The following ZMAT3 variants were observed in gnomAD, a reference collection of about 807,000 sequenced individuals.
ZMAT3 encodes the protein zinc finger matrin-type protein 3.
In ZMAT3, 17 loss-of-function variants were observed where a neutral mutation model predicts 32.3. The observed-to-expected ratio is 0.53, with a 90% CI of 0.36 to 0.79. ZMAT3 has a LOEUF of 0.79. Ranked by LOEUF, ZMAT3 falls within the 30% of genes least tolerant of loss-of-function variation. The pLI is 0.00. For synonymous variants in ZMAT3, 120 were observed against 133.1 expected (o/e 0.90, Z 0.68); for missense variants, 329 against 359.7 (o/e 0.91, Z 0.69).
intron 2 of ZMAT3, among the ~76,000 whole-genome samples, chr3:179,055,145 T>C (rs1228612477): frequency 1.3e-5 from 2 of 151,982 alleles, no homozygotes; most frequent in South Asian, 4.1e-4. Flanking sequence ...ATGGGAAACA[T>C]TCCCCCCAAG....
intron 2 of ZMAT3, among the ~76,000 whole-genome samples, chr3:179,063,029 C>T (rs764288502): frequency 4.6e-5 from 7 of 152,174 alleles, no homozygotes; most frequent in Non-Finnish European, 1.0e-4. Flanking sequence ...ACAATGACCC[C>T]TACTTTACAG....
In ZMAT3 at chr3:179,026,379, CTTTTTTTT is replaced by C. The variant is rs1235818885; in HGVS notation, c.658+1036_658+1043del. Among the ~76,000 whole-genome samples, 3 of 65,894 alleles carry C rather than the reference CTTTTTTTT, an allele frequency of 4.6e-5. 1 individual carries two copies. The highest frequency in any genetic ancestry group is 2.0e-4 in the African/African-American group (3 of 15,178). 43.2% of individuals were successfully genotyped at this position (65,894 alleles called of 152,430 possible). ...CTTTTCTTAATCATAATGAATTGTG[CTTTTTTTT>C]TTTTTTTTTTTTTTTTTGAGACAGA... is the stretch of plus-strand genomic sequence containing the variant. On this transcript the variant is annotated intron_variant, in intron 5 of 5. Coordinates refer to ENST00000311417, the MANE Select transcript of ZMAT3 (RefSeq NM_022470.4).
intron 2 of ZMAT3, among the ~76,000 whole-genome samples, chr3:179,056,269 C>CA (rs1720837354): frequency 6.6e-6 from 1 of 151,738 alleles, no homozygotes; most frequent in Non-Finnish European, 1.5e-5. Context: ...TTGGCATCCT[C>CA]AGTTTTTTAT....
chr3:179,051,324 A>G (rs1720545172), intron 2 of ZMAT3, among the ~76,000 whole-genome samples: 1 of 152,224 alleles, frequency 6.6e-6, no homozygotes, highest in Admixed American at 6.5e-5. Flanking sequence ...ACAAATCAGT[A>G]GCTCTGCTAT....
intron 2 of ZMAT3, among the ~76,000 whole-genome samples, chr3:179,041,132 A>C (rs1201792833): frequency 6.6e-6 from 1 of 152,108 alleles, no homozygotes; most frequent in Non-Finnish European, 1.5e-5. Flanking sequence ...CAATAATAAT[A>C]GGAGACTTTA....
At chr3:179,039,063 C>T (rs917382327) in intron 2 of ZMAT3, among the ~76,000 whole-genome samples, 1 of 152,214 alleles carries the variant, frequency 6.6e-6, no homozygotes, top group Non-Finnish European at 1.5e-5. Flanking sequence ...CTGGGAAGCT[C>T]GAACTGGGCA....
At chr3:179,070,523 G>C (rs1024473295) in intron 1 of ZMAT3, among the ~76,000 whole-genome samples, 4 of 152,072 alleles carry the variant, frequency 2.6e-5, no homozygotes, top group African/African-American at 9.7e-5. Context: ...TAGTACATTT[G>C]CAAACAAAAA....
chr3:179,043,822 C>T lies in ZMAT3; in HGVS notation c.271-12823G>A, dbSNP rs192015320. 2.2e-4 allele frequency among the ~76,000 whole-genome samples: 34 copies of T among 152,240 alleles called. No homozygotes were observed. The East Asian group carries it at 5.0e-3, about 22-fold the overall frequency. ...TGGGAGAAAATTTTTGCGATCTCCC[C>T]ATCTGACAAAGGGCTAATATCCAGA... On this transcript the variant is annotated intron_variant, in intron 2 of 5. Transcript: ENST00000311417.
chr3:179,069,866 G>C (rs529984633), intron 1 of ZMAT3, among the ~76,000 whole-genome samples: 153 of 152,202 alleles, frequency 1.0e-3, no homozygotes, highest in African/African-American at 3.2e-3. Flanking sequence ...GAACATAAAA[G>C]AAAAGCAATA....
intron 2 of ZMAT3, among the ~76,000 whole-genome samples, chr3:179,066,421 G>A (rs140463566): frequency 5.3e-5 from 8 of 152,166 alleles, no homozygotes; most frequent in Admixed American, 1.3e-4. Context: ...AAATACTTCC[G>A]ACATACAATC....
At chr3:179,040,188 C>T (rs1046138063) in intron 2 of ZMAT3, among the ~76,000 whole-genome samples, 3 of 152,140 alleles carry the variant, frequency 2.0e-5, no homozygotes, top group East Asian at 3.9e-4. Flanking sequence ...ACTTCCCCAA[C>T]CTAGCAAGGC....
intron 2 of ZMAT3, among the ~76,000 whole-genome samples, chr3:179,062,292 G>T (rs1403316579): frequency 6.6e-6 from 1 of 152,142 alleles, no homozygotes; most frequent in African/African-American, 2.4e-5. Context: ...AATTCTACCT[G>T]CAGAATGCTA....
chr3:179,024,697 C>A lies in ZMAT3; in HGVS notation c.*320G>T, dbSNP rs972165769. On this transcript the variant is annotated 3_prime_UTR_variant, in exon 6 of 6. Transcript: ENST00000311417. The stretch of plus-strand genomic sequence containing the variant: ...CTTTTAAATAGTCAAAGTTCTAAGC[C>A]GTCAGGCTACTAGTTGACCAGAACT... 1 of 244,824 alleles carries A rather than the reference C, an allele frequency of 4.1e-6. No homozygotes were observed. The highest frequency in any genetic ancestry group is 8.1e-6 in the Non-Finnish European group (1 of 123,916). The allele number at this position is 244,824 out of a possible 1,614,324, so 15.2% of individuals were successfully genotyped here.
chr3:179,055,475 T>TCCCCCCCCCCCC (rs1307862100), intron 2 of ZMAT3, among the ~76,000 whole-genome samples: 2 of 139,692 alleles, frequency 1.4e-5, no homozygotes, highest in Non-Finnish European at 3.1e-5. Context: ...TACCCCAGCG[T>TCCCCCCCCCCCC]CCCCTCCCCG....
chr3:179,055,181 T>C (rs1429629957), intron 2 of ZMAT3, among the ~76,000 whole-genome samples: 1 of 152,166 alleles, frequency 6.6e-6, no homozygotes, highest in Non-Finnish European at 1.5e-5. Flanking sequence ...AGATGTATTC[T>C]GGAGAATTGG....
intron 2 of ZMAT3, among the ~76,000 whole-genome samples, chr3:179,054,719 C>T (rs1225725807): frequency 6.6e-6 from 1 of 152,178 alleles, no homozygotes; most frequent in Non-Finnish European, 1.5e-5. Flanking sequence ...TTTCGCTCAC[C>T]ATCCAACACT....
intron 3 of ZMAT3, among the ~76,000 whole-genome samples, chr3:179,030,242 G>A (rs1309625273): frequency 6.6e-6 from 1 of 151,924 alleles, no homozygotes; most frequent in Non-Finnish European, 1.5e-5. Context: ...GCAACTGGAA[G>A]GCAAAATCTG....
chr3:179,034,824 G>A (rs1305239354), intron 2 of ZMAT3, among the ~76,000 whole-genome samples: 1 of 152,032 alleles, frequency 6.6e-6, no homozygotes. Context: ...CCTTCCCTAA[G>A]CCCAACACAT....
chr3:179,033,850 T>A (rs943604372), intron 2 of ZMAT3, among the ~76,000 whole-genome samples: 1 of 152,238 alleles, frequency 6.6e-6, no homozygotes, highest in Non-Finnish European at 1.5e-5. Context: ...ATCCAGAGAC[T>A]GTAAGGAGCT....
Sources: allele counts gnomAD v4.1 joint callset (sites outside exome capture counted in the v4.1 genomes callset), GRCh38; gene constraint gnomAD v4.1.1; transcripts MANE v1.5; gene names NCBI Gene and HGNC (gene_info 2026-07-23, HGNC 2026-07-21).